Variants in ADGRG6 observed in about 807,000 individuals in gnomAD.
The protein encoded by ADGRG6 is G-protein coupled receptor 126.
Under a neutral mutation model 142.4 loss-of-function variants are expected in ADGRG6, and 84 were observed. The ratio of observed to expected loss-of-function variants is 0.59; its 90% confidence interval spans 0.49 to 0.71. The LOEUF is 0.71. ADGRG6 is among the 30% of genes least tolerant of loss of function. The pLI, the probability that ADGRG6 is intolerant of heterozygous loss-of-function variation, is 0.00. For missense variants in ADGRG6, 1,367 were observed against 1,466.6 expected, an observed-to-expected ratio of 0.93 and a Z score of 1.11; for synonymous variants, 521 against 520.5, an observed-to-expected ratio of 1.00 and a Z score of -0.01.
intron 8 of ADGRG6, 61 bp downstream of exon 8, chr6:142,393,061 G>GTC (rs1774984337): frequency 6.6e-6 from 6 of 907,176 alleles, no homozygotes; most frequent in Non-Finnish European, 1.1e-5. Context: ...GCTACTATTT[G>GTC]TCTCTCTGAT....
At chr6:142,404,061 GGTCTTGGTCCATGAA>G in intron 14 of ADGRG6, 88 bp downstream of exon 14, 1 of 974,220 alleles carries the variant, frequency 1.0e-6, no homozygotes. Flanking sequence ...GCTTCCAAGA[GGTCTTGGTCCATGAA>G]GTGGCAAGGT....
intron 4 of ADGRG6, among the ~76,000 whole-genome samples, chr6:142,381,592 T>C (rs1370680756): frequency 6.6e-6 from 1 of 152,238 alleles, no homozygotes; most frequent in African/African-American, 2.4e-5. Context: ...ACTTCACTTT[T>C]GAAACTTATT....
chr6:142,361,252 G>T, intron 2 of ADGRG6, among the ~76,000 whole-genome samples: 1 of 152,296 alleles, frequency 6.6e-6, no homozygotes, highest in Middle Eastern at 3.4e-3. Context: ...AGTAGCTTTT[G>T]TAGTAAACTG....
intron 4 of ADGRG6, among the ~76,000 whole-genome samples, chr6:142,379,871 A>G (rs766986137): frequency 7.9e-5 from 12 of 152,224 alleles, no homozygotes; most frequent in Admixed American, 1.3e-4. Context: ...AGTTAAGGAC[A>G]CACCCGTGAC....
chr6:142,376,407 G>A (rs920091801), intron 4 of ADGRG6, among the ~76,000 whole-genome samples: 1 of 152,154 alleles, frequency 6.6e-6, no homozygotes, highest in Non-Finnish European at 1.5e-5. Context: ...GTTAGCTACT[G>A]TGGTTGTAGA....
intron 15 of ADGRG6, 91 bp downstream of exon 15, chr6:142,405,919 T>A: frequency 1.1e-6 from 1 of 900,562 alleles, no homozygotes; most frequent in Non-Finnish European, 1.6e-6. Flanking sequence ...TTGAAATATA[T>A]CAGAAGGTTT....
At position 142,392,997 on chromosome 6, in the gene ADGRG6, TC is replaced by T; in HGVS notation, c.1359del (p.Ser454ValfsTer4). On this transcript the variant is annotated frameshift_variant and splice_region_variant, in exon 8 of 25. Transcript: ENST00000367609. LOFTEE classifies it high-confidence loss of function. ...NWNYTVYVVN[I>X]SFHLSAGEDK... is the part of the protein sequence containing the mutation. ...AACTACACGGTTTATGTCGTTAATA[TC>T]AGGTAAGACAGAATAAATTATTTGA... is the stretch of plus-strand genomic sequence containing the variant. 1 of 1,506,848 alleles carries T rather than the reference TC, an allele frequency of 6.6e-7. No homozygotes were observed. Among genetic ancestry groups the T allele is most frequent in the Non-Finnish European group, 9.2e-7 (1 of 1,083,046 alleles). The allele number at this position is 1,506,848 out of a possible 1,614,324, so 93.3% of individuals were successfully genotyped here.
At position 142,445,652 on chromosome 6, in the gene ADGRG6, A is replaced by C. The variant is rs1385543414; in HGVS notation, c.*2137A>C. The C allele has an allele frequency of 6.6e-6, 1 of 152,190 alleles. No individual in the cohort carries two copies. Among genetic ancestry groups the C allele is most frequent in the Non-Finnish European group, 1.5e-5 (1 of 68,030 alleles). 9.4% of individuals were successfully genotyped at this position (152,190 alleles called of 1,614,324 possible). A position where few individuals can be genotyped will look rare whatever the true frequency, so the allele number is the denominator to read the frequency against. ...GAGAAAAAAATTAAGAAATTGCTCA[A>C]GGGAAACATTTGTAAATGGATTTGA... On this transcript the variant is annotated 3_prime_UTR_variant, in exon 25 of 25. Coordinates refer to ENST00000367609, the MANE Select transcript of ADGRG6 (RefSeq NM_198569.3).
At chr6:142,302,492 G>T (rs1470036125) in intron 1 of ADGRG6, 161 bp downstream of exon 1, 1 of 677,782 alleles carries the variant, frequency 1.5e-6, no homozygotes, top group African/African-American at 1.8e-5. Context: ...GCCCCTCGAG[G>T]CACTGAGGAG....
intron 2 of ADGRG6, among the ~76,000 whole-genome samples, chr6:142,341,427 AAT>A (rs1491525960): frequency 2.5e-5 from 3 of 120,640 alleles, no homozygotes; most frequent in African/African-American, 6.4e-5. Context: ...ATAATTATAT[AAT>A]ATATATAATT....
chr6:142,417,388 T>C lies in ADGRG6; in HGVS notation c.3035+19T>C, dbSNP rs568506788. On this transcript the variant is annotated intron_variant, in intron 21 of 24. Transcript: ENST00000367609. ...ATGAATTGTAAGTAATAAAAACTTTTTGTGATGAGTAGATATCCTTTGTTT... is the reference window on the plus strand; with the variant it reads ...ATGAATTGTAAGTAATAAAAACTTTCTGTGATGAGTAGATATCCTTTGTTT... 403 of 1,033,404 alleles carry C rather than the reference T, an allele frequency of 3.9e-4. 7 individuals are homozygous for C. The highest frequency in any genetic ancestry group is 3.5e-3 in the South Asian group (260 of 75,056). 64.0% of individuals were successfully genotyped at this position (1,033,404 alleles called of 1,614,324 possible). A position where few individuals can be genotyped will look rare whatever the true frequency, so the allele number is the denominator to read the frequency against.
chr6:142,390,886 C>T (rs958164901), intron 7 of ADGRG6, among the ~76,000 whole-genome samples: 10 of 151,722 alleles, frequency 6.6e-5, no homozygotes, highest in African/African-American at 1.4e-4. Flanking sequence ...CTTTTTTACA[C>T]GAAAAGTAGT....
chr6:142,317,342 G>C (rs1200385104), intron 2 of ADGRG6, among the ~76,000 whole-genome samples: 1 of 151,918 alleles, frequency 6.6e-6, no homozygotes, highest in Non-Finnish European at 1.5e-5. Context: ...TACTAATTGT[G>C]ACACCATGGA....
At chr6:142,433,403 T>C (rs899561992) in intron 22 of ADGRG6, among the ~76,000 whole-genome samples, 6 of 152,224 alleles carry the variant, frequency 3.9e-5, no homozygotes, top group Admixed American at 1.3e-4. Flanking sequence ...ATTGAAAGGA[T>C]TGACTGTATT....
Position 142,393,962 on chromosome 6 carries a change from A to G in ADGRG6, c.1424+4A>G, listed in dbSNP as rs746337261. 17 of 1,527,258 alleles carry G rather than the reference A, an allele frequency of 1.1e-5. No individual in the cohort carries two copies. Among genetic ancestry groups the G allele is most frequent in the Non-Finnish European group, 1.5e-5 (17 of 1,120,378 alleles). 94.6% of individuals were successfully genotyped at this position (1,527,258 alleles called of 1,614,324 possible). ...GAAGCCTTGAGGATGAGCCAAGGTA[A>G]CAGGACAAAGTATTGTAAAGAGTAT... On this transcript the variant is annotated splice_donor_region_variant and intron_variant, in intron 9 of 24. Coordinates refer to ENST00000367609, the MANE Select transcript of ADGRG6 (RefSeq NM_198569.3).
At chr6:142,312,710 C>T (rs1777829967) in intron 2 of ADGRG6, among the ~76,000 whole-genome samples, 1 of 151,846 alleles carries the variant, frequency 6.6e-6, no homozygotes, top group Non-Finnish European at 1.5e-5. Context: ...AGGCATATAC[C>T]CTATAAAATA....
At chr6:142,402,154 T>C in intron 12 of ADGRG6, 96 bp downstream of exon 12, 1 of 621,194 alleles carries the variant, frequency 1.6e-6, no homozygotes, top group Non-Finnish European at 2.9e-6. Context: ...TTCTGCTCTG[T>C]GATACTGTTT....
chr6:142,312,217 C>T (rs1423947869), intron 2 of ADGRG6, among the ~76,000 whole-genome samples: 1 of 152,022 alleles, frequency 6.6e-6, no homozygotes, highest in African/African-American at 2.4e-5. Flanking sequence ...TTACGATTGA[C>T]ACTTAATTCA....
chr6:142,443,251 T>G, intron 24 of ADGRG6, 86 bp from the exon 25 acceptor site: 1 of 724,122 alleles, frequency 1.4e-6, no homozygotes, highest in Non-Finnish European at 2.3e-6. Flanking sequence ...TCTTCTTTAA[T>G]GTGCAAAACG....
Sources: allele counts gnomAD v4.1 joint callset (sites outside exome capture counted in the v4.1 genomes callset), GRCh38; gene constraint gnomAD v4.1.1; transcripts MANE v1.5; gene names NCBI Gene and HGNC (gene_info 2026-07-23, HGNC 2026-07-21).